The following CORIN variants were observed in gnomAD, a reference collection of about 807,000 sequenced individuals.
The protein encoded by CORIN is corin, serine peptidase.
CORIN carries 117 observed loss-of-function variants against 125.3 expected under a neutral mutation model. That is an observed-to-expected ratio of 0.93 (90% confidence interval 0.80 to 1.09). The LOEUF is 1.09. Among genes scored for constraint, CORIN ranks in the 50% least tolerant of loss-of-function variants. The pLI is 0.00. For missense variants in CORIN, 1,253 were observed against 1,306.7 expected (o/e 0.96, Z 0.63); for synonymous variants, 450 against 466.4 (o/e 0.96, Z 0.45).
At chr4:47,830,118 C>A (rs1732915430) in intron 1 of CORIN, among the ~76,000 whole-genome samples, 1 of 152,090 alleles carries the variant, frequency 6.6e-6, no homozygotes, top group African/African-American at 2.4e-5. Context: ...CTAAAATAGG[C>A]ACATGAAGAT....
chr4:47,773,215 T>C (rs1730141318), intron 3 of CORIN, among the ~76,000 whole-genome samples: 1 of 152,130 alleles, frequency 6.6e-6, no homozygotes, highest in Admixed American at 6.5e-5. Context: ...GTGGTAAAAA[T>C]AAATTCTATA....
intron 16 of CORIN, among the ~76,000 whole-genome samples, chr4:47,626,997 T>G (rs867354927): frequency 0.019 from 2,691 of 144,858 alleles, 83 homozygotes; most frequent in African/African-American, 0.064. Context: ...GTTGTTGTTT[T>G]TTTTTTGATG....
At position 47,661,794 on chromosome 4, in the gene CORIN, C is replaced by T; in HGVS notation, c.1652G>A (p.Trp551Ter). Residue 551 changes from tryptophan to a stop codon, truncating the protein, a stop_gained, in exon 12 of 22, where the codon TGG becomes TAG. Coordinates refer to ENST00000273857, the MANE Select transcript of CORIN (RefSeq NM_006587.4). LOFTEE classifies it high-confidence loss of function. Reference protein sequence around the residue: ...ESVLGIVGLQWPEDTDCSQFP... With the variant: ...ESVLGIVGLQ The stretch of plus-strand genomic sequence containing the variant: ...TTGACTGCAATCTGTGTCTTCAGGC[C>T]ACTGTAGGCCCACAATCCCAAGAAC... 6.2e-7 allele frequency: 1 copy of T among 1,613,598 alleles called. No individual in the cohort carries two copies. The highest frequency in any genetic ancestry group is 8.5e-7 in the Non-Finnish European group (1 of 1,179,722).
chr4:47,757,077 C>A (rs952438426), intron 4 of CORIN, among the ~76,000 whole-genome samples: 1 of 152,024 alleles, frequency 6.6e-6, no homozygotes, highest in Admixed American at 6.5e-5. Context: ...GAAATACAAG[C>A]AAATCTTCAT....
intron 16 of CORIN, among the ~76,000 whole-genome samples, chr4:47,630,991 G>A (rs1272066666): frequency 1.3e-5 from 2 of 152,182 alleles, no homozygotes; most frequent in Non-Finnish European, 2.9e-5. Context: ...GGCTAACAGA[G>A]TCCTTACCCC....
chr4:47,746,208 A>G (rs1035495976), intron 4 of CORIN, among the ~76,000 whole-genome samples: 1 of 152,240 alleles, frequency 6.6e-6, no homozygotes, highest in Admixed American at 6.5e-5. Flanking sequence ...TTTCTCAAAT[A>G]AAACTAGGAT....
At chr4:47,606,962 A>G (rs1326801388) in intron 19 of CORIN, among the ~76,000 whole-genome samples, 1 of 152,248 alleles carries the variant, frequency 6.6e-6, no homozygotes, top group African/African-American at 2.4e-5. Context: ...TGTGAAAAAC[A>G]TTCATCCACA....
intron 19 of CORIN, among the ~76,000 whole-genome samples, chr4:47,614,222 C>T (rs559162186): frequency 6.6e-5 from 10 of 152,220 alleles, no homozygotes; most frequent in East Asian, 1.9e-4. Context: ...GACAGAGTTT[C>T]GCTCTTGTTG....
intron 1 of CORIN, among the ~76,000 whole-genome samples, chr4:47,819,118 G>A (rs952611939): frequency 3.9e-5 from 6 of 152,100 alleles, no homozygotes; most frequent in African/African-American, 1.4e-4. Context: ...ATATTTAAAA[G>A]GGAGCTGGGC....
Position 47,793,631 on chromosome 4 carries a change from A to C in CORIN, c.209-6706T>G, listed in dbSNP as rs539990303. 9.8e-5 allele frequency among the ~76,000 whole-genome samples: 15 copies of C among 152,324 alleles called. No individual in the cohort carries two copies. The South Asian group carries it at 2.9e-3, about 29-fold the overall frequency. On this transcript the variant is annotated intron_variant, in intron 2 of 21. Coordinates refer to ENST00000273857, the MANE Select transcript of CORIN (RefSeq NM_006587.4). The stretch of plus-strand genomic sequence containing the variant: ...CTAACAATGAACATTCTTACCATGA[A>C]TTGATGTACACAGACACAGAGAGAA...
At chr4:47,659,860 T>C (rs149520358) in intron 12 of CORIN, among the ~76,000 whole-genome samples, 1 of 152,278 alleles carries the variant, frequency 6.6e-6, no homozygotes, top group East Asian at 1.9e-4. Context: ...AAAATTCATA[T>C]GGAATCACAA....
intron 6 of CORIN, among the ~76,000 whole-genome samples, chr4:47,689,849 A>C (rs962823979): frequency 6.6e-6 from 1 of 152,112 alleles, no homozygotes; most frequent in Non-Finnish European, 1.5e-5. Flanking sequence ...ACTGAATCAA[A>C]ATCTCTGCAG....
At chr4:47,629,669 A>G (rs1372548777) in intron 16 of CORIN, among the ~76,000 whole-genome samples, 1 of 152,128 alleles carries the variant, frequency 6.6e-6, no homozygotes, top group East Asian at 1.9e-4. Context: ...CAATTCATGT[A>G]TACATTTCCC....
chr4:47,706,496 C>T lies in CORIN; in HGVS notation c.800-13413G>A, dbSNP rs1408743619. 8 of 1,611,444 alleles carry T rather than the reference C, an allele frequency of 5.0e-6. No homozygotes were observed. The South Asian group carries it at 7.7e-5, about 15-fold the overall frequency. ...TCTGCTCTTCACAGGGCTCCCCGCC[C>T]CACCCGGCCTGATAAAGCGCGCCAA... On this transcript the variant is annotated intron_variant, in intron 5 of 21. Coordinates refer to ENST00000273857, the MANE Select transcript of CORIN (RefSeq NM_006587.4).
intron 5 of CORIN, among the ~76,000 whole-genome samples, chr4:47,736,966 C>T (rs892753349): frequency 6.6e-6 from 1 of 152,260 alleles, no homozygotes; most frequent in African/African-American, 2.4e-5. Context: ...GGTTGCCTTG[C>T]AAGGCATTTG....
rs189581786 is a variant in CORIN, at chr4:47,770,824, G to T, written c.410-7238C>A. Among the ~76,000 whole-genome samples, 280 of 152,206 alleles carry T rather than the reference G, an allele frequency of 1.8e-3. 2 individuals are homozygous for T. The highest frequency in any genetic ancestry group is 6.1e-3 in the African/African-American group (254 of 41,532). The stretch of plus-strand genomic sequence containing the variant: ...TCACTTATATGTGGAATCTTAAAAA[G>T]TTGAACTCATAGAAGCAGAGAGTAA... On this transcript the variant is annotated intron_variant, in intron 3 of 21. Transcript: ENST00000273857.
At chr4:47,815,191 T>C (rs1362830864) in intron 1 of CORIN, among the ~76,000 whole-genome samples, 1 of 151,968 alleles carries the variant, frequency 6.6e-6, no homozygotes, top group Admixed American at 6.6e-5. Flanking sequence ...TATCTGCAAA[T>C]AAGGCATAAA....
intron 1 of CORIN, among the ~76,000 whole-genome samples, chr4:47,832,093 G>A (rs1441959293): frequency 6.6e-6 from 1 of 152,184 alleles, no homozygotes; most frequent in Non-Finnish European, 1.5e-5. Context: ...CAACATGTAG[G>A]AGTACATATG....
At chr4:47,790,222 T>G (rs1202674726) in intron 2 of CORIN, 1 of 984,956 alleles carries the variant, frequency 1.0e-6, no homozygotes, top group Non-Finnish European at 1.2e-6. Flanking sequence ...ATAAAATACC[T>G]CTTCATGGGG....
Sources: allele counts gnomAD v4.1 joint callset (sites outside exome capture counted in the v4.1 genomes callset), GRCh38; gene constraint gnomAD v4.1.1; transcripts MANE v1.5; gene names NCBI Gene and HGNC (gene_info 2026-07-23, HGNC 2026-07-21).